SH3TC2: variants seen among roughly 807,000 people sequenced by gnomAD.
The protein encoded by SH3TC2 is SH3 domain and tetratricopeptide repeat-containing protein 2.
A neutral mutation model predicts 124.5 loss-of-function variants in SH3TC2; 87 were observed. The observed-to-expected ratio is 0.70, with a 90% CI of 0.59 to 0.84. The LOEUF (loss-of-function observed/expected upper bound fraction) is 0.84. Among genes scored for constraint, SH3TC2 ranks in the 40% least tolerant of loss-of-function variants. The pLI, the probability that SH3TC2 is intolerant of heterozygous loss-of-function variation, is 0.00. For synonymous variants in SH3TC2, 634 were observed against 628.5 expected (o/e 1.01, Z -0.13); for missense variants, 1,536 against 1,566.4 (o/e 0.98, Z 0.33).
In SH3TC2 at chr5:149,062,914, C is replaced by A. The variant is rs1001446549; in HGVS notation, c.52+57G>T. The stretch of plus-strand genomic sequence containing the variant: ...TCCAACCCAGCAGGTCCCTGAGCCT[C>A]TACTGGACCATCCACTTTGGCCAAG... On this transcript the variant is annotated intron_variant, in intron 1 of 16. Coordinates refer to ENST00000515425, the MANE Select transcript of SH3TC2 (RefSeq NM_024577.4). 1.7e-5 allele frequency: 26 copies of A among 1,518,740 alleles called. No homozygotes were observed. In the African/African-American group the frequency reaches 3.6e-4, roughly 21 times the overall value. 94.1% of individuals were successfully genotyped at this position (1,518,740 alleles called of 1,614,324 possible).
At chr5:149,016,490 T>A (rs1753874769) in intron 12 of SH3TC2, among the ~76,000 whole-genome samples, 1 of 152,192 alleles carries the variant, frequency 6.6e-6, no homozygotes, top group Non-Finnish European at 1.5e-5. Context: ...ATGATGACAT[T>A]TCAGGAAAAG....
In SH3TC2 at chr5:149,007,692, G is replaced by T. The variant is rs528827863; in HGVS notation, c.3479-615C>A. On this transcript the variant is annotated intron_variant, in intron 15 of 16. Transcript: ENST00000515425. ...GAATGCTGGTTTCTAACGGGTCTAT[G>T]ACTTGTTGTTTGGTGGATTTGTTTT... is the stretch of plus-strand genomic sequence containing the variant. 3 of 165,158 alleles carry T rather than the reference G, an allele frequency of 1.8e-5. No homozygotes were observed. In the East Asian group the frequency reaches 4.9e-4, roughly 27 times the overall value. 10.2% of individuals were successfully genotyped at this position (165,158 alleles called of 1,614,324 possible).
chr5:149,040,042 T>C (rs927595348), intron 7 of SH3TC2, among the ~76,000 whole-genome samples: 1 of 152,218 alleles, frequency 6.6e-6, no homozygotes, highest in South Asian at 2.1e-4. Flanking sequence ...CCAGTAGATA[T>C]GGATCTACAG....
intron 5 of SH3TC2, 31 bp downstream of exon 5, chr5:149,042,663 G>T (rs758254415): frequency 6.2e-6 from 10 of 1,613,386 alleles, no homozygotes; most frequent in Non-Finnish European, 6.8e-6. Context: ...ATCTGAATAA[G>T]ATCCCATCTC....
intron 12 of SH3TC2, among the ~76,000 whole-genome samples, chr5:149,023,820 A>G (rs1051696193): frequency 5.3e-5 from 8 of 152,168 alleles, no homozygotes; most frequent in African/African-American, 1.9e-4. Flanking sequence ...CCTGATCTCA[A>G]GTGATTCACC....
intron 16 of SH3TC2, chr5:149,006,277 CA>C (rs146571751): frequency 1.3e-5 from 2 of 151,370 alleles, no homozygotes; most frequent in South Asian, 1.8e-4. Context: ...AGCAAGCAAG[CA>C]AAAAAAGAAG....
In SH3TC2 at chr5:149,008,969, C is replaced by T. The variant is rs967171497; in HGVS notation, c.3360G>A (p.Lys1120=). ...AGAVPLARRL[K]AVRTELRIFN... is the part of the protein sequence containing the mutation. ...AAATCCGGAGCTCAGTTCTCACCGCCTTCAACCTCCTTGCTAAAGGAACAG... is the reference window on the plus strand; with the variant it reads ...AAATCCGGAGCTCAGTTCTCACCGCTTTCAACCTCCTTGCTAAAGGAACAG... The change falls in exon 15 of 17, where the codon AAG becomes AAA. Residue 1120 remains lysine, a synonymous_variant. Coordinates refer to ENST00000515425, the MANE Select transcript of SH3TC2 (RefSeq NM_024577.4). 7.4e-6 allele frequency: 12 copies of T among 1,614,116 alleles called. No individual in the cohort carries two copies. In the African/African-American group the frequency reaches 1.3e-4, roughly 18 times the overall value.
At chr5:149,048,296 A>C (rs906136251) in intron 2 of SH3TC2, among the ~76,000 whole-genome samples, 2 of 152,208 alleles carry the variant, frequency 1.3e-5, no homozygotes, top group Admixed American at 6.5e-5. Context: ...TGGTGCTGAC[A>C]CAGGACCAGC....
At chr5:149,053,358 A>C (rs1754589672) in intron 1 of SH3TC2, among the ~76,000 whole-genome samples, 1 of 152,192 alleles carries the variant, frequency 6.6e-6, no homozygotes, top group Non-Finnish European at 1.5e-5. Flanking sequence ...CAAGTTGAGG[A>C]CCTTCCATTT....
At position 149,026,623 on chromosome 5, in the gene SH3TC2, C is replaced by T. The variant is rs1007547781; in HGVS notation, c.3002G>A (p.Gly1001Glu). 2 of 1,614,094 alleles carry T rather than the reference C, an allele frequency of 1.2e-6. No homozygotes were observed. Among genetic ancestry groups the T allele is most frequent in the Admixed American group, 1.7e-5 (1 of 60,008 alleles). Residue 1001 changes from glycine (G) to glutamate (E), a missense_variant, in exon 12 of 17, where the codon GGG (glycine) becomes GAG (glutamate). Physicochemically the swap from Gly to Glu is moderately conservative, Grantham distance 98 (BLOSUM62 -2). Coordinates refer to ENST00000515425, the MANE Select transcript of SH3TC2 (RefSeq NM_024577.4). ...CTGCCCCAGGGACTCCAGCAGCCTC[C>T]CTTCCATCTCCCGGTCCCTGAGTTG... ...AQQLRDREME[G>E]RLLESLGQLY...
At position 148,984,165 on chromosome 5, in the gene SH3TC2, A is replaced by G. The variant is rs2127386716; in HGVS notation, c.*20546T>C. Among the ~76,000 whole-genome samples the G allele has an allele frequency of 6.6e-6, 1 of 152,172 alleles. No individual in the cohort carries two copies. Among genetic ancestry groups the G allele is most frequent in the Non-Finnish European group, 1.5e-5 (1 of 67,992 alleles). ...TCTCTTCTCTTTCTGAAATTGCATT[A>G]TGTAAATATTAGTTCTCTTGATGGT... On this transcript the variant is annotated 3_prime_UTR_variant, in exon 17 of 17. Coordinates refer to ENST00000515425, the MANE Select transcript of SH3TC2 (RefSeq NM_024577.4).
In SH3TC2 at chr5:148,996,487, C is replaced by T. The variant is rs1394298580; in HGVS notation, c.*8224G>A. ...CCAAAGCTACATGTTCTAGAACAGA[C>T]AAAAGTTAGTTTTGTTTTGTTTTAT... On this transcript the variant is annotated 3_prime_UTR_variant, in exon 17 of 17. Coordinates refer to ENST00000515425, the MANE Select transcript of SH3TC2 (RefSeq NM_024577.4). Among the ~76,000 whole-genome samples, 1 of 152,146 alleles carries T rather than the reference C, an allele frequency of 6.6e-6. No individual in the cohort carries two copies. The highest frequency in any genetic ancestry group is 1.9e-4 in the East Asian group (1 of 5,194).
chr5:149,033,180 T>C (rs1202381295), intron 8 of SH3TC2, among the ~76,000 whole-genome samples: 1 of 152,210 alleles, frequency 6.6e-6, no homozygotes, highest in Non-Finnish European at 1.5e-5. Flanking sequence ...CTTCTACCTC[T>C]GCGTGCATTG....
intron 7 of SH3TC2, 102 bp from the exon 8 acceptor site, chr5:149,038,592 A>G: frequency 4.0e-6 from 5 of 1,255,004 alleles, no homozygotes; most frequent in Non-Finnish European, 5.8e-6. Context: ...AGACTTTAGA[A>G]TGTCAAGGAC....
intron 9 of SH3TC2, among the ~76,000 whole-genome samples, chr5:149,029,102 G>C (rs1350877481): frequency 6.6e-6 from 1 of 152,186 alleles, no homozygotes; most frequent in African/African-American, 2.4e-5. Context: ...GCGAGTTCAC[G>C]ATGGAGCCAG....
Position 148,986,105 on chromosome 5 carries a change from A to C in SH3TC2, c.*18606T>G, listed in dbSNP as rs182775401. Among the ~76,000 whole-genome samples the C allele has an allele frequency of 3.1e-3, 471 of 152,238 alleles. 2 individuals are homozygous for C. The highest frequency in any genetic ancestry group is 0.011 in the African/African-American group (452 of 41,544). On this transcript the variant is annotated 3_prime_UTR_variant, in exon 17 of 17. Coordinates refer to ENST00000515425, the MANE Select transcript of SH3TC2 (RefSeq NM_024577.4). ...GGCTGTTTTGATCCAATTATAATCA[A>C]TTTTCACTCACTAAGGCCCTGCTTA...
At chr5:149,031,128 C>G (rs1754184706) in intron 9 of SH3TC2, among the ~76,000 whole-genome samples, 1 of 152,168 alleles carries the variant, frequency 6.6e-6, no homozygotes, top group African/African-American at 2.4e-5. Context: ...TTCGTTTAGG[C>G]CTGTTTCCCA....
At position 148,991,704 on chromosome 5, in the gene SH3TC2, C is replaced by T. The variant is rs1753422219; in HGVS notation, c.*13007G>A. ...TAATTAGAATCAGTGTGACTAATTT[C>T]CAGGTAGAATGAGAGGCTCTTGCAA... On this transcript the variant is annotated 3_prime_UTR_variant, in exon 17 of 17. Transcript: ENST00000515425. Among the ~76,000 whole-genome samples, 1 of 152,172 alleles carries T rather than the reference C, an allele frequency of 6.6e-6. No individual in the cohort carries two copies. The highest frequency in any genetic ancestry group is 6.5e-5 in the Admixed American group (1 of 15,276).
chr5:149,056,899 T>C (rs1453395008), intron 1 of SH3TC2, among the ~76,000 whole-genome samples: 1 of 152,084 alleles, frequency 6.6e-6, no homozygotes, highest in African/African-American at 2.4e-5. Context: ...ATAGAATAAA[T>C]TACCTTCGAA....
Sources: allele counts gnomAD v4.1 joint callset (sites outside exome capture counted in the v4.1 genomes callset), GRCh38; gene constraint gnomAD v4.1.1; transcripts MANE v1.5; gene names NCBI Gene and HGNC (gene_info 2026-07-23, HGNC 2026-07-21).